The following GALNTL6 variants were observed in gnomAD, a reference collection of about 807,000 sequenced individuals.
GALNTL6 encodes polypeptide N-acetylgalactosaminyltransferase-like 6.
GALNTL6 carries 46 observed loss-of-function variants against 73.7 expected under a neutral mutation model. The ratio of observed to expected loss-of-function variants is 0.62; its 90% CI spans 0.49 to 0.80. The LOEUF is 0.80. Ranked by LOEUF, GALNTL6 falls within the 30% of genes least tolerant of loss-of-function variation. The pLI, the probability that GALNTL6 is intolerant of heterozygous loss-of-function variation, is 0.00. For synonymous variants in GALNTL6, 259 were observed against 263.7 expected, an observed-to-expected ratio of 0.98 and a Z score of 0.17; for missense variants, 604 against 755.0, an observed-to-expected ratio of 0.80 and a Z score of 2.34.
intron 2 of GALNTL6, among the ~76,000 whole-genome samples, chr4:171,949,319 C>A (rs1165581465): frequency 1.3e-5 from 2 of 152,108 alleles, no homozygotes; most frequent in Non-Finnish European, 2.9e-5. Context: ...TGGGCTCTTT[C>A]TTGAGTGGTC....
At chr4:172,893,341 G>C (rs953677188) in intron 8 of GALNTL6, among the ~76,000 whole-genome samples, 8 of 139,272 alleles carry the variant, frequency 5.7e-5, no homozygotes, top group Non-Finnish European at 1.1e-4. Context: ...TGTTCTGAGA[G>C]TGGCGGGGGG....
At chr4:172,937,903 G>A (rs1748703775) in intron 9 of GALNTL6, among the ~76,000 whole-genome samples, 1 of 151,994 alleles carries the variant, frequency 6.6e-6, no homozygotes, top group Admixed American at 6.6e-5. Flanking sequence ...AGAAATATAT[G>A]CCCTATATAG....
At chr4:172,030,166 T>C (rs1385060171) in intron 2 of GALNTL6, among the ~76,000 whole-genome samples, 1 of 152,102 alleles carries the variant, frequency 6.6e-6, no homozygotes, top group Non-Finnish European at 1.5e-5. Flanking sequence ...TTCCACCACA[T>C]TGCCATAAAA....
At chr4:172,055,152 CAAAT>C (rs752904006) in intron 2 of GALNTL6, among the ~76,000 whole-genome samples, 2 of 152,052 alleles carry the variant, frequency 1.3e-5, no homozygotes, top group Non-Finnish European at 2.9e-5. Flanking sequence ...AAAAAGAAAA[CAAAT>C]AAACCAATAA....
At chr4:172,018,749 G>A (rs539321999) in intron 2 of GALNTL6, among the ~76,000 whole-genome samples, 4 of 152,078 alleles carry the variant, frequency 2.6e-5, no homozygotes, top group Non-Finnish European at 4.4e-5. Context: ...TTCTGCTCAG[G>A]CAGGTTCATG....
At chr4:172,906,735 C>T (rs1305895891) in intron 8 of GALNTL6, among the ~76,000 whole-genome samples, 2 of 152,230 alleles carry the variant, frequency 1.3e-5, no homozygotes, top group African/African-American at 4.8e-5. Flanking sequence ...AGGTCCTTGC[C>T]ATGTGGCCCC....
At chr4:171,979,707 A>G (rs1245776616) in intron 2 of GALNTL6, among the ~76,000 whole-genome samples, 1 of 152,214 alleles carries the variant, frequency 6.6e-6, no homozygotes, top group Non-Finnish European at 1.5e-5. Flanking sequence ...GGGCTATAGC[A>G]CATATCAGGG....
chr4:172,945,384 A>T (rs1749117284), intron 9 of GALNTL6, among the ~76,000 whole-genome samples: 1 of 152,216 alleles, frequency 6.6e-6, no homozygotes, highest in Non-Finnish European at 1.5e-5. Flanking sequence ...TATAGTATAT[A>T]CATATGTCAA....
intron 3 of GALNTL6, among the ~76,000 whole-genome samples, chr4:172,242,591 A>G (rs947305323): frequency 6.6e-6 from 1 of 152,212 alleles, no homozygotes; most frequent in Admixed American, 6.5e-5. Context: ...GTATTCCACT[A>G]TAAGCCTCAG....
intron 3 of GALNTL6, among the ~76,000 whole-genome samples, chr4:172,235,963 A>G (rs1270360956): frequency 2.6e-5 from 4 of 152,212 alleles, no homozygotes; most frequent in African/African-American, 4.8e-5. Flanking sequence ...AAGTGTATCC[A>G]TGTTGCAGCA....
intron 5 of GALNTL6, among the ~76,000 whole-genome samples, chr4:172,686,943 T>A (rs1579337429): frequency 6.6e-6 from 1 of 152,298 alleles, no homozygotes; most frequent in Middle Eastern, 3.4e-3. Flanking sequence ...ATAATCACAT[T>A]ACCGTCTAGT....
intron 5 of GALNTL6, among the ~76,000 whole-genome samples, chr4:172,743,807 C>A (rs1390374300): frequency 6.6e-6 from 1 of 152,104 alleles, no homozygotes; most frequent in Non-Finnish European, 1.5e-5. Context: ...AACTGTATAT[C>A]AGATATCAAA....
intron 12 of GALNTL6, among the ~76,000 whole-genome samples, chr4:173,037,794 G>A (rs935938069): frequency 1.3e-5 from 2 of 151,848 alleles, no homozygotes; most frequent in Admixed American, 1.3e-4. Flanking sequence ...CCAGGCTGGA[G>A]TGCAGTGGCC....
chr4:172,101,810 A>C (rs1732527970), intron 2 of GALNTL6, among the ~76,000 whole-genome samples: 1 of 152,146 alleles, frequency 6.6e-6, no homozygotes, highest in Non-Finnish European at 1.5e-5. Context: ...TCAGTAATTT[A>C]CTTCATTATT....
At chr4:172,677,826 GCAGGGAGATTTT>G (rs377348434) in intron 5 of GALNTL6, among the ~76,000 whole-genome samples, 7 of 151,916 alleles carry the variant, frequency 4.6e-5, no homozygotes, top group African/African-American at 1.7e-4. Flanking sequence ...CACCAGCAGT[GCAGGGAGATTTT>G]CTCAAACAGA....
intron 5 of GALNTL6, among the ~76,000 whole-genome samples, chr4:172,396,170 T>C (rs898887675): frequency 1.3e-5 from 2 of 152,162 alleles, no homozygotes; most frequent in Non-Finnish European, 2.9e-5. Flanking sequence ...GTCATCAGTT[T>C]CTTCTTTCTC....
chr4:172,419,575 C>T (rs1466006143), intron 5 of GALNTL6, among the ~76,000 whole-genome samples: 1 of 152,086 alleles, frequency 6.6e-6, no homozygotes, highest in East Asian at 1.9e-4. Context: ...AAGCTACTGC[C>T]CATAAACGTT....
intron 3 of GALNTL6, among the ~76,000 whole-genome samples, chr4:172,251,782 A>G (rs1486789295): frequency 6.6e-6 from 1 of 152,180 alleles, no homozygotes; most frequent in African/African-American, 2.4e-5. Context: ...GAGGAATACT[A>G]GACGGGCACT....
At chr4:172,303,612 T>C (rs894980706) in intron 3 of GALNTL6, among the ~76,000 whole-genome samples, 6 of 152,226 alleles carry the variant, frequency 3.9e-5, no homozygotes, top group African/African-American at 1.4e-4. Context: ...TACACATAGA[T>C]TGTAAAATTA....
Sources: allele counts gnomAD v4.1 joint callset (sites outside exome capture counted in the v4.1 genomes callset), GRCh38; gene constraint gnomAD v4.1.1; transcripts MANE v1.5; gene names NCBI Gene and HGNC (gene_info 2026-07-23, HGNC 2026-07-21).